MTPN: variants seen among roughly 807,000 people sequenced by gnomAD.
MTPN encodes the protein myotrophin, also known as granule cell differentiation protein.
MTPN carries 2 observed loss-of-function variants against 13.5 expected under a neutral mutation model. The observed-to-expected ratio is 0.15, with a 90% CI of 0.06 to 0.47. MTPN has a LOEUF of 0.47. Ranked by LOEUF, MTPN falls within the 20% of genes least tolerant of loss-of-function variation. MTPN has a pLI of 0.97. For missense variants in MTPN, 79 were observed against 137.9 expected, an observed-to-expected ratio of 0.57 and a Z score of 2.14; for synonymous variants, 46 against 51.7, an observed-to-expected ratio of 0.89 and a Z score of 0.48.
At chr7:135,960,391 A>G (rs1280440922) in intron 1 of MTPN, among the ~76,000 whole-genome samples, 2 of 152,072 alleles carry the variant, frequency 1.3e-5, no homozygotes, top group Non-Finnish European at 2.9e-5. Flanking sequence ...TAGGCAATAG[A>G]GAATATAAAA....
chr7:135,929,863 G>C lies in MTPN; in HGVS notation c.*63C>G. The C allele has an allele frequency of 6.8e-7, 1 of 1,476,770 alleles. No homozygotes were observed. The highest frequency in any genetic ancestry group is 9.5e-7 in the Non-Finnish European group (1 of 1,054,870). The allele number at this position is 1,476,770 out of a possible 1,614,324, so 91.5% of individuals were successfully genotyped here. ...GCTGGCAGATAGAGAGTGACAGACA[G>C]ACAGGCAGCAGTGTGAGGCCACAGG... On this transcript the variant is annotated 3_prime_UTR_variant, in exon 4 of 4. Coordinates refer to ENST00000393085, the MANE Select transcript of MTPN (RefSeq NM_145808.4).
chr7:135,952,391 T>G (rs552949191), intron 1 of MTPN, among the ~76,000 whole-genome samples: 1 of 152,262 alleles, frequency 6.6e-6, no homozygotes, highest in Admixed American at 6.5e-5. Context: ...AGACTAAAAA[T>G]GATGACTACC....
chr7:135,970,622 AATTC>A (rs1385041089), intron 1 of MTPN, among the ~76,000 whole-genome samples: 1 of 152,106 alleles, frequency 6.6e-6, no homozygotes, highest in African/African-American at 2.4e-5. Context: ...TATCAGTTTT[AATTC>A]ATTAAATTTT....
At position 135,928,422 on chromosome 7, in the gene MTPN, T is replaced by C. The variant is rs1012666891; in HGVS notation, c.*1504A>G. ...GTTCTTGATAATAGATTAACCCTGC[T>C]GTAGAATGCTATGTTGCCTTTAAAA... On this transcript the variant is annotated 3_prime_UTR_variant, in exon 4 of 4. Transcript: ENST00000393085. The C allele has an allele frequency of 1.2e-5, 2 of 167,184 alleles. No individual in the cohort carries two copies. Among genetic ancestry groups the C allele is most frequent in the Middle Eastern group, 3.4e-3 (1 of 296 alleles). The allele number at this position is 167,184 out of a possible 1,614,324, so 10.4% of individuals were successfully genotyped here.
At chr7:135,973,478 C>T (rs1469560540) in intron 1 of MTPN, among the ~76,000 whole-genome samples, 1 of 135,076 alleles carries the variant, frequency 7.4e-6, no homozygotes, top group Non-Finnish European at 1.7e-5. Flanking sequence ...GGAATAAAAA[C>T]AGTTTTTGAG....
At chr7:135,959,155 AC>A (rs1288845731) in intron 1 of MTPN, among the ~76,000 whole-genome samples, 2 of 152,180 alleles carry the variant, frequency 1.3e-5, no homozygotes, top group African/African-American at 2.4e-5. Context: ...GTATTCTTTC[AC>A]GAGACATCAT....
At chr7:135,932,019 T>C (rs1437913215) in intron 3 of MTPN, among the ~76,000 whole-genome samples, 1 of 152,150 alleles carries the variant, frequency 6.6e-6, no homozygotes, top group African/African-American at 2.4e-5. Context: ...GAACAGTAAG[T>C]TGTTCACAAC....
At chr7:135,958,620 T>C (rs1799478683) in intron 1 of MTPN, among the ~76,000 whole-genome samples, 1 of 152,218 alleles carries the variant, frequency 6.6e-6, no homozygotes. Context: ...TGTTTACTAG[T>C]TATGGTTCTA....
intron 1 of MTPN, among the ~76,000 whole-genome samples, chr7:135,974,095 G>C (rs1023875452): frequency 6.6e-6 from 1 of 152,068 alleles, no homozygotes; most frequent in Admixed American, 6.6e-5. Flanking sequence ...AATTTTCAGT[G>C]GTTTGGGGAC....
At chr7:135,952,494 T>G (rs1799377175) in intron 1 of MTPN, among the ~76,000 whole-genome samples, 1 of 152,214 alleles carries the variant, frequency 6.6e-6, no homozygotes, top group Non-Finnish European at 1.5e-5. Context: ...AACCTCCATC[T>G]AATACATGAA....
intron 1 of MTPN, among the ~76,000 whole-genome samples, chr7:135,976,220 G>A (rs1326140483): frequency 1.3e-5 from 2 of 152,150 alleles, no homozygotes; most frequent in Non-Finnish European, 2.9e-5. Context: ...TTATATTTGG[G>A]GCTGAGGTTT....
intron 1 of MTPN, among the ~76,000 whole-genome samples, chr7:135,962,324 C>T (rs915302457): frequency 1.3e-5 from 2 of 151,590 alleles, no homozygotes; most frequent in African/African-American, 4.8e-5. Flanking sequence ...AATGAATGAA[C>T]AAAAATAACA....
intron 1 of MTPN, among the ~76,000 whole-genome samples, chr7:135,972,209 ACGCGCACACGCGCACG>A (rs1256293018): frequency 5.8e-5 from 5 of 86,924 alleles, no homozygotes; most frequent in Non-Finnish European, 7.3e-5. Flanking sequence ...ATAAATACAC[ACGCGCACACGCGCACG>A]CGCGCGCACA....
chr7:135,934,954 T>C (rs920108939), intron 3 of MTPN, among the ~76,000 whole-genome samples: 1 of 152,204 alleles, frequency 6.6e-6, no homozygotes, highest in Admixed American at 6.5e-5. Flanking sequence ...GTCCTCATTC[T>C]GAGGACTGGC....
intron 2 of MTPN, 75 bp from the exon 3 acceptor site, chr7:135,950,757 CT>C: frequency 8.6e-7 from 1 of 1,157,566 alleles, no homozygotes; most frequent in Non-Finnish European, 1.3e-6. Context: ...CTAGAAAACT[CT>C]TTCTAGATTT....
rs1798930734 is a variant in MTPN, at chr7:135,927,053, G to A, written c.*2873C>T. 2 of 338,076 alleles carry A rather than the reference G, an allele frequency of 5.9e-6. No individual in the cohort carries two copies. Among genetic ancestry groups the A allele is most frequent in the Admixed American group, 9.6e-5 (2 of 20,908 alleles). 20.9% of individuals were successfully genotyped at this position (338,076 alleles called of 1,614,324 possible). On this transcript the variant is annotated 3_prime_UTR_variant, in exon 4 of 4. Coordinates refer to ENST00000393085, the MANE Select transcript of MTPN (RefSeq NM_145808.4). Reference sequence around the variant, plus strand: ...ACACTGCAATTGCTTATTTATGTAGGAGGGCACTCTCACCAGCTTCTTCTA... The same window carrying A: ...ACACTGCAATTGCTTATTTATGTAGAAGGGCACTCTCACCAGCTTCTTCTA...
chr7:135,950,753 A>AGT, intron 2 of MTPN, 71 bp from the exon 3 acceptor site: 2 of 1,210,378 alleles, frequency 1.7e-6, no homozygotes, highest in Non-Finnish European at 2.4e-6. Flanking sequence ...TTAACTAGAA[A>AGT]ACTCTTTCTA....
intron 1 of MTPN, among the ~76,000 whole-genome samples, chr7:135,963,498 A>G (rs891927577): frequency 1.3e-5 from 2 of 152,082 alleles, no homozygotes; most frequent in African/African-American, 4.8e-5. Context: ...GTGATAATAC[A>G]TTAATACTTT....
At chr7:135,964,652 G>C (rs553904920) in intron 1 of MTPN, among the ~76,000 whole-genome samples, 2 of 151,924 alleles carry the variant, frequency 1.3e-5, no homozygotes, top group African/African-American at 2.4e-5. Context: ...ATTTAGTATA[G>C]AAATTCTATG....
Sources: gnomAD v4.1 joint callset for allele counts (sites outside exome capture counted in the v4.1 genomes callset) on GRCh38, gnomAD v4.1.1 for gene constraint, MANE v1.5 for transcripts, NCBI Gene and HGNC (gene_info 2026-07-23, HGNC 2026-07-21) for gene names.